The following EIF4EBP1 variants were observed in gnomAD, a reference collection of about 807,000 sequenced individuals.
The protein encoded by EIF4EBP1 is eukaryotic translation initiation factor 4E binding protein 1.
Under a neutral mutation model 9.2 loss-of-function variants are expected in EIF4EBP1, and 5 were observed. The ratio of observed to expected loss-of-function variants is 0.54; its 90% confidence interval spans 0.28 to 1.14. The LOEUF is 1.14. Ranked by LOEUF, EIF4EBP1 falls within the 50% of genes most tolerant of loss-of-function variation. The pLI is 0.09. For synonymous variants in EIF4EBP1, 62 were observed against 67.0 expected (o/e 0.93, Z 0.36); for missense variants, 139 against 169.6 (o/e 0.82, Z 1.00).
At position 38,042,990 on chromosome 8, in the gene EIF4EBP1, C is replaced by T. The variant is rs138421722; in HGVS notation, c.145+12272C>T. On this transcript the variant is annotated intron_variant, in intron 1 of 2. Transcript: ENST00000338825. ...GCTGAGGCAGGAGAATCTCTGGAAC[C>T]AGGGAGGCGGAGGCTGCAGTGAGTT... is the stretch of plus-strand genomic sequence containing the variant. 3.6e-3 allele frequency among the ~76,000 whole-genome samples: 545 copies of T among 152,194 alleles called. 3 individuals carry two copies. The highest frequency in any genetic ancestry group is 0.014 in the Middle Eastern group (4 of 294).
chr8:38,059,755 C>CAAA, intron 2 of EIF4EBP1, 149 bp from the exon 3 acceptor site: 29 of 602,706 alleles, frequency 4.8e-5, no homozygotes, highest in Non-Finnish European at 5.2e-5. Context: ...GACTCCATCT[C>CAAA]AAAAAAAAAA....
At chr8:38,056,093 G>A (rs184330697) in intron 1 of EIF4EBP1, among the ~76,000 whole-genome samples, 3 of 152,112 alleles carry the variant, frequency 2.0e-5, no homozygotes, top group Non-Finnish European at 4.4e-5. Flanking sequence ...CTGGGCTCAA[G>A]CAATCCTCCC....
chr8:38,049,312 C>T (rs571080476), intron 1 of EIF4EBP1, among the ~76,000 whole-genome samples: 7 of 151,966 alleles, frequency 4.6e-5, no homozygotes, highest in Admixed American at 6.6e-5. Flanking sequence ...TTCTCATTCC[C>T]TGTCCTTGTG....
intron 2 of EIF4EBP1, 114 bp from the exon 3 acceptor site, chr8:38,059,790 T>C: frequency 9.7e-7 from 1 of 1,035,850 alleles, no homozygotes; most frequent in East Asian, 2.5e-5. Context: ...AAAAAACTTA[T>C]TTTCTTTATA....
intron 1 of EIF4EBP1, among the ~76,000 whole-genome samples, chr8:38,055,254 C>T (rs983973985): frequency 6.6e-6 from 1 of 152,074 alleles, no homozygotes; most frequent in African/African-American, 2.4e-5. Flanking sequence ...GGTTCCTTTC[C>T]AGGGGTTTAC....
At chr8:38,038,382 C>A (rs559046814) in intron 1 of EIF4EBP1, among the ~76,000 whole-genome samples, 1 of 150,868 alleles carries the variant, frequency 6.6e-6, no homozygotes, top group Admixed American at 6.6e-5. Context: ...GTGGCACACA[C>A]CTGTACTCCC....
intron 1 of EIF4EBP1, among the ~76,000 whole-genome samples, chr8:38,044,867 T>C (rs1809430097): frequency 6.6e-6 from 1 of 151,772 alleles, no homozygotes; most frequent in Non-Finnish European, 1.5e-5. Context: ...GCGTGGGGAG[T>C]TGTAAGGGGG....
intron 1 of EIF4EBP1, among the ~76,000 whole-genome samples, chr8:38,053,584 A>G (rs1809554615): frequency 6.6e-6 from 1 of 152,192 alleles, no homozygotes; most frequent in Non-Finnish European, 1.5e-5. Context: ...AAGATCTTCA[A>G]GAAGTATTTG....
chr8:38,056,961 C>A, intron 1 of EIF4EBP1, 120 bp from the exon 2 acceptor site: 1 of 1,054,484 alleles, frequency 9.5e-7, no homozygotes, highest in South Asian at 1.4e-5. Flanking sequence ...CCGCACCCAG[C>A]CTCCTCTGGG....
At chr8:38,053,721 C>CAGCA (rs2130397841) in intron 1 of EIF4EBP1, among the ~76,000 whole-genome samples, 1 of 152,298 alleles carries the variant, frequency 6.6e-6, no homozygotes, top group Non-Finnish European at 1.5e-5. Flanking sequence ...ATTCAGCCTT[C>CAGCA]AGCAGGAAGG....
Position 38,060,044 on chromosome 8 carries a change from G to T in EIF4EBP1, c.*109G>T, listed in dbSNP as rs529896805. 11 of 1,170,422 alleles carry T rather than the reference G, an allele frequency of 9.4e-6. No homozygotes were observed. The South Asian group carries it at 1.3e-4, about 14-fold the overall frequency. The allele number at this position is 1,170,422 out of a possible 1,614,324, so 72.5% of individuals were successfully genotyped here. A position where few individuals can be genotyped will look rare whatever the true frequency, so the allele number is the denominator to read the frequency against. ...GTGATCATACTGGGCAGGCGTTGGC[G>T]TGGGGTCGGACACCCCAGCCCTTTC... On this transcript the variant is annotated 3_prime_UTR_variant, in exon 3 of 3. Transcript: ENST00000338825.
At chr8:38,052,667 G>A (rs183633417) in intron 1 of EIF4EBP1, among the ~76,000 whole-genome samples, 84 of 151,578 alleles carry the variant, frequency 5.5e-4, no homozygotes, top group African/African-American at 1.5e-3. Flanking sequence ...ACAGTGAGCC[G>A]AGATCGCACC....
At chr8:38,031,750 C>T (rs1030537417) in intron 1 of EIF4EBP1, among the ~76,000 whole-genome samples, 2 of 152,198 alleles carry the variant, frequency 1.3e-5, no homozygotes, top group African/African-American at 4.8e-5. Context: ...GCTGTTTGAT[C>T]CAAAACATAC....
At chr8:38,052,722 A>G (rs1809541351) in intron 1 of EIF4EBP1, among the ~76,000 whole-genome samples, 2 of 151,966 alleles carry the variant, frequency 1.3e-5, no homozygotes, top group Non-Finnish European at 2.9e-5. Flanking sequence ...CATCTCAAAA[A>G]AAAAAAAAAA....
chr8:38,056,816 A>T (rs1809601217), intron 1 of EIF4EBP1, among the ~76,000 whole-genome samples: 1 of 151,886 alleles, frequency 6.6e-6, no homozygotes, highest in Non-Finnish European at 1.5e-5. Context: ...GGCTACCACC[A>T]CCACGCTGGC....
chr8:38,044,049 A>G (rs1310390468), intron 1 of EIF4EBP1, among the ~76,000 whole-genome samples: 1 of 152,072 alleles, frequency 6.6e-6, no homozygotes, highest in Non-Finnish European at 1.5e-5. Flanking sequence ...CAGATTGTCC[A>G]GGGTGTTTTG....
At chr8:38,058,075 A>G (rs1427960936) in intron 2 of EIF4EBP1, among the ~76,000 whole-genome samples, 1 of 152,100 alleles carries the variant, frequency 6.6e-6, no homozygotes, top group Non-Finnish European at 1.5e-5. Context: ...AGCAGAATTA[A>G]TCTCCCCAGG....
At chr8:38,034,945 CT>C (rs937948029) in intron 1 of EIF4EBP1, among the ~76,000 whole-genome samples, 1 of 152,142 alleles carries the variant, frequency 6.6e-6, no homozygotes, top group Admixed American at 6.6e-5. Flanking sequence ...TCACATTTAC[CT>C]GAGCTTCCTT....
chr8:38,054,642 G>T (rs1486655927), intron 1 of EIF4EBP1, among the ~76,000 whole-genome samples: 1 of 152,162 alleles, frequency 6.6e-6, no homozygotes, highest in Non-Finnish European at 1.5e-5. Context: ...CTCTGGGGAG[G>T]AGAGATTGTA....
Sources: allele counts gnomAD v4.1 joint callset (sites outside exome capture counted in the v4.1 genomes callset), GRCh38; gene constraint gnomAD v4.1.1; transcripts MANE v1.5; gene names NCBI Gene and HGNC (gene_info 2026-07-23, HGNC 2026-07-21).